The following NR3C2 variants were observed in gnomAD, a reference collection of about 807,000 sequenced individuals.
The protein encoded by NR3C2 is nuclear receptor subfamily 3 group C member 2, also known as mineralocorticoid receptor.
Under a neutral mutation model 86.4 loss-of-function variants are expected in NR3C2, and 15 were observed. The ratio of observed to expected loss-of-function variants is 0.17; its 90% confidence interval spans 0.12 to 0.27. The LOEUF (loss-of-function observed/expected upper bound fraction) is 0.27. Ranked by LOEUF, NR3C2 falls within the 10% of genes least tolerant of loss-of-function variation. The pLI, the probability that NR3C2 is intolerant of heterozygous loss-of-function variation, is 1.00. For missense variants in NR3C2, 960 were observed against 1,195.6 expected, an observed-to-expected ratio of 0.80 and a Z score of 2.91; for synonymous variants, 458 against 450.5, an observed-to-expected ratio of 1.02 and a Z score of -0.21.
rs1344864146 is a variant in NR3C2, at chr4:148,167,259, C to T, written c.2015-12358G>A. 1.3e-5 allele frequency among the ~76,000 whole-genome samples: 2 copies of T among 152,208 alleles called. 1 individual carries two copies. Among genetic ancestry groups the T allele is most frequent in the Non-Finnish European group, 2.9e-5 (2 of 68,030 alleles). ...CTCTTGACTAGGATTCAAGTCAGCT[C>T]TTCACTGCTGACTTAGAATAAGGCC... On this transcript the variant is annotated intron_variant, in intron 4 of 8. Coordinates refer to ENST00000358102, the MANE Select transcript of NR3C2 (RefSeq NM_000901.5).
Position 148,364,466 on chromosome 4 carries a change from C to T in NR3C2, c.1757+70638G>A, listed in dbSNP as rs559774428. ...AACTATATTGGAATTGGCTTGTTCC[C>T]GTAGAAGTTCCCTATAAAGAGTAAT... On this transcript the variant is annotated intron_variant, in intron 2 of 8. Coordinates refer to ENST00000358102, the MANE Select transcript of NR3C2 (RefSeq NM_000901.5). 6.2e-4 allele frequency among the ~76,000 whole-genome samples: 94 copies of T among 152,242 alleles called. 3 individuals carry two copies. The highest frequency in any genetic ancestry group is 5.6e-3 in the Admixed American group (85 of 15,294).
At chr4:148,125,934 C>T (rs1464548682) in intron 6 of NR3C2, among the ~76,000 whole-genome samples, 1 of 152,148 alleles carries the variant, frequency 6.6e-6, no homozygotes, top group Non-Finnish European at 1.5e-5. Flanking sequence ...TTAGGAAGTT[C>T]TACAAAATTT....
In NR3C2 at chr4:148,143,216, TAAG is replaced by T. The variant is rs140922593; in HGVS notation, c.2510+9250_2510+9252del. 2.3e-3 allele frequency among the ~76,000 whole-genome samples: 354 copies of T among 152,314 alleles called. 1 individual carries two copies. The highest frequency in any genetic ancestry group is 7.1e-3 in the African/African-American group (296 of 41,578). On this transcript the variant is annotated intron_variant, in intron 6 of 8. Transcript: ENST00000358102. ...CCTGCACAGAGAACAGACATCCAGTTAAGAAGGAGTTTGGATCCTCAGTGCAGC... is the reference window on the plus strand; with the variant it reads ...CCTGCACAGAGAACAGACATCCAGTTAAGGAGTTTGGATCCTCAGTGCAGC...
intron 6 of NR3C2, among the ~76,000 whole-genome samples, chr4:148,137,285 G>A (rs757710644): frequency 6.6e-6 from 1 of 152,154 alleles, no homozygotes; most frequent in Non-Finnish European, 1.5e-5. Context: ...TGTGAGGGGA[G>A]TCCTAGGCTC....
At chr4:148,378,971 C>A (rs1038787883) in intron 2 of NR3C2, among the ~76,000 whole-genome samples, 2 of 151,948 alleles carry the variant, frequency 1.3e-5, no homozygotes, top group African/African-American at 4.8e-5. Flanking sequence ...GCAATGAAAA[C>A]AAATTCACTA....
At chr4:148,193,263 G>A (rs1031192907) in intron 4 of NR3C2, among the ~76,000 whole-genome samples, 12 of 152,214 alleles carry the variant, frequency 7.9e-5, no homozygotes, top group African/African-American at 2.7e-4. Context: ...TCCAGTGGGG[G>A]TGTGTGTTCA....
intron 3 of NR3C2, among the ~76,000 whole-genome samples, chr4:148,223,076 T>G (rs1324355576): frequency 6.6e-6 from 1 of 152,140 alleles, no homozygotes; most frequent in African/African-American, 2.4e-5. Flanking sequence ...AAATAATATT[T>G]TAAAAGCGAC....
At chr4:148,393,696 T>A (rs1447998196) in intron 2 of NR3C2, among the ~76,000 whole-genome samples, 1 of 152,214 alleles carries the variant, frequency 6.6e-6, no homozygotes, top group African/African-American at 2.4e-5. Flanking sequence ...AGGTAAAACC[T>A]CCTGATGCTG....
chr4:148,274,437 T>A (rs1456349522), intron 2 of NR3C2, among the ~76,000 whole-genome samples: 8 of 152,044 alleles, frequency 5.3e-5, no homozygotes, highest in Non-Finnish European at 1.0e-4. Flanking sequence ...TGGGACCCGG[T>A]GGGAGGTGTA....
upstream of NR3C2, among the ~76,000 whole-genome samples, chr4:148,443,546 C>T (rs990070919): frequency 1.3e-5 from 2 of 150,966 alleles, no homozygotes; most frequent in South Asian, 2.1e-4. Flanking sequence ...CGATTCTCCT[C>T]CCGCCCACCC....
At chr4:148,134,541 A>T (rs369453159) in intron 6 of NR3C2, among the ~76,000 whole-genome samples, 1 of 151,548 alleles carries the variant, frequency 6.6e-6, no homozygotes, top group Non-Finnish European at 1.5e-5. Context: ...CTTTAATGAT[A>T]AATGATTTGT....
At chr4:148,081,788 G>A (rs1200291797) in intron 8 of NR3C2, among the ~76,000 whole-genome samples, 2 of 152,098 alleles carry the variant, frequency 1.3e-5, no homozygotes, top group African/African-American at 4.8e-5. Flanking sequence ...AACAGTGACT[G>A]GGTCACTGAA....
intron 2 of NR3C2, among the ~76,000 whole-genome samples, chr4:148,390,127 T>TAA (rs61378271): frequency 7.1e-5 from 9 of 127,196 alleles, no homozygotes; most frequent in African/African-American, 2.1e-4. Context: ...ATACATTCCT[T>TAA]AAAAAAAAAA....
chr4:148,153,133 C>G (rs529598209), intron 5 of NR3C2, among the ~76,000 whole-genome samples: 5 of 152,212 alleles, frequency 3.3e-5, no homozygotes, highest in East Asian at 1.9e-4. Context: ...ACATGTTTCC[C>G]TGGCACCTGT....
chr4:148,136,383 G>A (rs1006237601), intron 6 of NR3C2, among the ~76,000 whole-genome samples: 2 of 151,828 alleles, frequency 1.3e-5, no homozygotes, highest in African/African-American at 4.8e-5. Context: ...AATGGTGAGG[G>A]AACAAAAGGA....
chr4:148,350,732 G>A (rs369658764), intron 2 of NR3C2, among the ~76,000 whole-genome samples: 23 of 152,296 alleles, frequency 1.5e-4, no homozygotes, highest in African/African-American at 3.6e-4. Flanking sequence ...TACAGACAGA[G>A]CCCTTAGTGG....
At chr4:148,424,290 A>G (rs1466769732) in intron 2 of NR3C2, among the ~76,000 whole-genome samples, 1 of 152,224 alleles carries the variant, frequency 6.6e-6, no homozygotes, top group African/African-American at 2.4e-5. Context: ...AAGACTATCA[A>G]GTGTTGGAAA....
At chr4:148,081,621 T>C in intron 8 of NR3C2, 122 bp from the exon 9 acceptor site, 1 of 1,322,818 alleles carries the variant, frequency 7.6e-7, no homozygotes, top group Non-Finnish European at 1.1e-6. Context: ...GGAGACCATG[T>C]CTTCATTAAT....
At chr4:148,353,631 A>G (rs1745407644) in intron 2 of NR3C2, among the ~76,000 whole-genome samples, 1 of 152,180 alleles carries the variant, frequency 6.6e-6, no homozygotes, top group Admixed American at 6.6e-5. Flanking sequence ...TCTATGATGA[A>G]TGAGTTTTAC....
Sources: gnomAD v4.1 joint callset for allele counts (sites outside exome capture counted in the v4.1 genomes callset) on GRCh38, gnomAD v4.1.1 for gene constraint, MANE v1.5 for transcripts, NCBI Gene and HGNC (gene_info 2026-07-23, HGNC 2026-07-21) for gene names.